Variants in MCCC2 observed in about 807,000 individuals in gnomAD.
MCCC2 encodes the protein methylcrotonyl-CoA carboxylase subunit 2, also known as methylcrotonoyl-CoA carboxylase beta chain, mitochondrial.
A neutral mutation model predicts 77.2 loss-of-function variants in MCCC2; 52 were observed. The observed-to-expected ratio is 0.67, with a 90% CI of 0.54 to 0.85. The LOEUF (loss-of-function observed/expected upper bound fraction) is 0.85. Among genes scored for constraint, MCCC2 ranks in the 40% least tolerant of loss-of-function variants. The pLI is 0.00. For missense variants in MCCC2, 682 were observed against 703.2 expected (o/e 0.97, Z 0.34); for synonymous variants, 253 against 248.4 (o/e 1.02, Z -0.18).
At chr5:71,617,754 G>A (rs908111872) in intron 6 of MCCC2, among the ~76,000 whole-genome samples, 1 of 152,076 alleles carries the variant, frequency 6.6e-6, no homozygotes, top group Non-Finnish European at 1.5e-5. Context: ...TCCAAGGTTG[G>A]TTTTTATTTA....
At chr5:71,605,352 A>G (rs1259721467) in intron 6 of MCCC2, among the ~76,000 whole-genome samples, 1 of 151,134 alleles carries the variant, frequency 6.6e-6, no homozygotes, top group East Asian at 1.9e-4. Flanking sequence ...GCATTTTTTC[A>G]TGTGTTTTTT....
intron 4 of MCCC2, 21 bp from the exon 5 acceptor site, chr5:71,602,485 A>G (rs746790833): frequency 2.5e-6 from 4 of 1,614,118 alleles, no homozygotes; most frequent in Admixed American, 3.3e-5. Flanking sequence ...TTCTCTCTCC[A>G]ATGAAATTTC....
chr5:71,626,656 G>C lies in MCCC2; in HGVS notation c.641G>C (p.Gly214Ala), dbSNP rs277995. The C allele has an allele frequency of 7.7e-5, 124 of 1,613,590 alleles. No individual in the cohort carries two copies. Among genetic ancestry groups the C allele is most frequent in the Non-Finnish European group, 9.2e-5 (109 of 1,179,682 alleles). Residue 214 changes from glycine to alanine, a missense_variant, in exon 7 of 17, where the codon GGC becomes GCC. Transcript: ENST00000340941. ...KNIAQIAVVM[G>A]SCTAGGAYVP... ...GGATTCCAGATCGCAGTGGTCATGG[G>C]CTCCTGCACCGCAGGAGGAGCCTAT...
At chr5:71,638,050 C>G (rs1392760079) in intron 10 of MCCC2, among the ~76,000 whole-genome samples, 3 of 152,168 alleles carry the variant, frequency 2.0e-5, no homozygotes, top group Non-Finnish European at 2.9e-5. Context: ...CCTCTCAAAC[C>G]TGACTACTGC....
At chr5:71,646,560 C>T (rs567369731) in intron 13 of MCCC2, among the ~76,000 whole-genome samples, 1 of 152,186 alleles carries the variant, frequency 6.6e-6, no homozygotes, top group South Asian at 2.1e-4. Context: ...TAGTTTCACC[C>T]AGACCATGTT....
At chr5:71,610,343 G>T (rs1348530992) in intron 6 of MCCC2, among the ~76,000 whole-genome samples, 3 of 152,124 alleles carry the variant, frequency 2.0e-5, no homozygotes, top group Non-Finnish European at 4.4e-5. Context: ...AGGTGCGTCC[G>T]TCACCCCTTT....
In MCCC2 at chr5:71,587,512, C is replaced by A; in HGVS notation, c.87C>A (p.Ala29=). Residue 29 remains alanine, a synonymous_variant, in exon 1 of 17, where the codon GCC becomes GCA. Transcript: ENST00000340941. ...GPRAYHGDSV[A]SLGTQPDLGS... The stretch of plus-strand genomic sequence containing the variant: ...GCGCCTATCACGGGGACTCGGTGGC[C>A]TCGCTGGGCACCCAGCCGGACTTGG... 1 of 1,538,286 alleles carries A rather than the reference C, an allele frequency of 6.5e-7. No individual in the cohort carries two copies. Among genetic ancestry groups the A allele is most frequent in the Non-Finnish European group, 8.7e-7 (1 of 1,146,530 alleles).
At chr5:71,607,086 C>T (rs1183121224) in intron 6 of MCCC2, among the ~76,000 whole-genome samples, 1 of 151,682 alleles carries the variant, frequency 6.6e-6, no homozygotes, top group Non-Finnish European at 1.5e-5. Context: ...TGATGCTGGC[C>T]TCATAAAATG....
chr5:71,634,272 T>A (rs1746841420), intron 8 of MCCC2, among the ~76,000 whole-genome samples: 1 of 152,234 alleles, frequency 6.6e-6, no homozygotes. Context: ...AGCAAGCCCG[T>A]ACTTCATTCA....
chr5:71,642,768 TG>T (rs1267286133), intron 11 of MCCC2, among the ~76,000 whole-genome samples: 2 of 152,212 alleles, frequency 1.3e-5, no homozygotes, highest in South Asian at 2.1e-4. Context: ...CATAAGTTTT[TG>T]GCTGGGATTT....
intron 7 of MCCC2, among the ~76,000 whole-genome samples, chr5:71,629,871 G>A (rs983162734): frequency 6.6e-6 from 1 of 151,968 alleles, no homozygotes; most frequent in African/African-American, 2.4e-5. Flanking sequence ...AAACTTTCAT[G>A]GGCCATTCTT....
At chr5:71,627,587 CCT>C (rs1363226175) in intron 7 of MCCC2, among the ~76,000 whole-genome samples, 12 of 152,154 alleles carry the variant, frequency 7.9e-5, no homozygotes, top group Non-Finnish European at 1.5e-5. Context: ...TGGATATGTA[CCT>C]ATGAGTAGAA....
At chr5:71,616,807 A>T (rs1339763997) in intron 6 of MCCC2, among the ~76,000 whole-genome samples, 1 of 152,116 alleles carries the variant, frequency 6.6e-6, no homozygotes, top group Non-Finnish European at 1.5e-5. Context: ...AAGTGAACAC[A>T]TCCTAAGCCT....
intron 3 of MCCC2, 24 bp from the exon 4 acceptor site, chr5:71,599,635 A>G: frequency 6.3e-7 from 1 of 1,584,852 alleles, no homozygotes. Context: ...CATTAATTCA[A>G]ACAACATCCT....
intron 6 of MCCC2, among the ~76,000 whole-genome samples, chr5:71,611,783 CTTTTTTTTTCTT>C (rs1325762583): frequency 6.7e-6 from 1 of 149,648 alleles, no homozygotes; most frequent in African/African-American, 2.5e-5. Context: ...TACTTTATTC[CTTTTTTTTTCTT>C]TTTTTTTTTT....
intron 6 of MCCC2, among the ~76,000 whole-genome samples, chr5:71,610,531 C>T (rs1024432234): frequency 4.6e-5 from 7 of 152,314 alleles, no homozygotes; most frequent in African/African-American, 9.6e-5. Context: ...CCGTCTTCTG[C>T]GTCGCTCACG....
chr5:71,613,634 G>T (rs537675665), intron 6 of MCCC2, among the ~76,000 whole-genome samples: 43 of 152,120 alleles, frequency 2.8e-4, no homozygotes, highest in Non-Finnish European at 4.0e-4. Context: ...TGTTTGGGAG[G>T]CTGAAGCAGA....
intron 5 of MCCC2, among the ~76,000 whole-genome samples, chr5:71,603,982 T>C (rs1360943245): frequency 6.6e-6 from 1 of 152,198 alleles, no homozygotes; most frequent in African/African-American, 2.4e-5. Context: ...CAGAAGGCAA[T>C]ATGTATAAAT....
chr5:71,656,461 AATT>A (rs1197346176), intron 16 of MCCC2, among the ~76,000 whole-genome samples: 2 of 152,280 alleles, frequency 1.3e-5, no homozygotes, highest in Middle Eastern at 3.4e-3. Context: ...CGTATTGTCA[AATT>A]AGGGGTTACT....
Sources: gnomAD v4.1 joint callset for allele counts (sites outside exome capture counted in the v4.1 genomes callset) on GRCh38, gnomAD v4.1.1 for gene constraint, MANE v1.5 for transcripts, NCBI Gene and HGNC (gene_info 2026-07-23, HGNC 2026-07-21) for gene names.